ATRNL1: variants seen among roughly 807,000 people sequenced by gnomAD.
ATRNL1 encodes attractin like 1.
Under a neutral mutation model 182.7 loss-of-function variants are expected in ATRNL1, and 95 were observed. The observed-to-expected ratio is 0.52, with a 90% CI of 0.44 to 0.62. The LOEUF (loss-of-function observed/expected upper bound fraction) is 0.62. Ranked by LOEUF, ATRNL1 falls within the 20% of genes least tolerant of loss-of-function variation. The pLI, the probability that ATRNL1 is intolerant of heterozygous loss-of-function variation, is 0.00. For missense variants in ATRNL1, 1,471 were observed against 1,679.5 expected, an observed-to-expected ratio of 0.88 and a Z score of 2.17; for synonymous variants, 576 against 568.3, an observed-to-expected ratio of 1.01 and a Z score of -0.19.
chr10:115,624,910 C>T (rs1295052037), intron 26 of ATRNL1, among the ~76,000 whole-genome samples: 1 of 151,980 alleles, frequency 6.6e-6, no homozygotes, highest in Non-Finnish European at 1.5e-5. Flanking sequence ...GAATTTGTAA[C>T]CAGAACTACT....
At chr10:115,328,081 T>A (rs1855009712) in intron 18 of ATRNL1, among the ~76,000 whole-genome samples, 1 of 151,304 alleles carries the variant, frequency 6.6e-6, no homozygotes, top group Non-Finnish European at 1.5e-5. Flanking sequence ...AAACTTAAAG[T>A]ATAATAATAA....
intron 26 of ATRNL1, among the ~76,000 whole-genome samples, chr10:115,579,572 G>A (rs1181303404): frequency 6.6e-6 from 1 of 151,804 alleles, no homozygotes; most frequent in Non-Finnish European, 1.5e-5. Flanking sequence ...TGCATGAAAT[G>A]TCTTTTTCCA....
chr10:115,615,465 A>G (rs1857381838), intron 26 of ATRNL1, among the ~76,000 whole-genome samples: 3 of 151,858 alleles, frequency 2.0e-5, no homozygotes, highest in African/African-American at 4.8e-5. Context: ...TCTGGAGTGT[A>G]CAGTTTCTGT....
At chr10:115,215,607 T>C (rs1353081722) in intron 8 of ATRNL1, 90 bp from the exon 9 acceptor site, 1 of 983,820 alleles carries the variant, frequency 1.0e-6, no homozygotes, top group Admixed American at 3.2e-5. Flanking sequence ...AAATATGTCA[T>C]TAGAATTAAC....
At chr10:115,178,762 A>C (rs578235817) in intron 8 of ATRNL1, among the ~76,000 whole-genome samples, 94 of 152,256 alleles carry the variant, frequency 6.2e-4, no homozygotes, top group Admixed American at 2.3e-3. Flanking sequence ...CCTCTGGAGG[A>C]CATAGCAAAC....
At chr10:115,494,023 C>G (rs147246229) in intron 24 of ATRNL1, among the ~76,000 whole-genome samples, 4 of 152,036 alleles carry the variant, frequency 2.6e-5, no homozygotes, top group African/African-American at 9.6e-5. Flanking sequence ...ATCCTTAGAC[C>G]ATTGTTGGAT....
chr10:115,809,234 C>T (rs1490108517), intron 27 of ATRNL1, among the ~76,000 whole-genome samples: 1 of 151,958 alleles, frequency 6.6e-6, no homozygotes, highest in Non-Finnish European at 1.5e-5. Flanking sequence ...GTTATTGTGA[C>T]TATATTAGGT....
chr10:115,273,039 T>C (rs148007163), intron 13 of ATRNL1, among the ~76,000 whole-genome samples: 2 of 152,316 alleles, frequency 1.3e-5, no homozygotes, highest in Non-Finnish European at 2.9e-5. Flanking sequence ...CTTTCCCTGA[T>C]TGAAGCTGTA....
intron 26 of ATRNL1, among the ~76,000 whole-genome samples, chr10:115,584,739 T>C (rs1855396125): frequency 6.6e-6 from 1 of 152,204 alleles, no homozygotes; most frequent in South Asian, 2.1e-4. Flanking sequence ...TTTTTGTGTC[T>C]CTATTTCCTT....
chr10:115,321,259 G>C (rs894429883), intron 18 of ATRNL1, among the ~76,000 whole-genome samples: 15 of 152,258 alleles, frequency 9.9e-5, no homozygotes, highest in Middle Eastern at 3.4e-3. Flanking sequence ...GTACAGTTGG[G>C]TGCCTGCGCC....
At chr10:115,397,397 A>G (rs1592593745) in intron 20 of ATRNL1, among the ~76,000 whole-genome samples, 1 of 152,088 alleles carries the variant, frequency 6.6e-6, no homozygotes, top group East Asian at 1.9e-4. Flanking sequence ...TATATTCTTA[A>G]TAACCATCCT....
chr10:115,481,250 C>T (rs1292277449), intron 24 of ATRNL1, among the ~76,000 whole-genome samples: 1 of 150,158 alleles, frequency 6.7e-6, no homozygotes, highest in Non-Finnish European at 1.5e-5. Flanking sequence ...TTTTTCAGAT[C>T]ATATACTTCC....
chr10:115,366,680 T>C (rs1457905568), intron 19 of ATRNL1, among the ~76,000 whole-genome samples: 2,164 of 150,906 alleles, frequency 0.014, 53 homozygotes, highest in African/African-American at 0.051. Flanking sequence ...CCATGTTTAG[T>C]GCTTCCTTCA....
chr10:115,286,819 T>G (rs1852639907), intron 15 of ATRNL1, among the ~76,000 whole-genome samples: 1 of 152,030 alleles, frequency 6.6e-6, no homozygotes, highest in African/African-American at 2.4e-5. Flanking sequence ...AAAGTATGGT[T>G]GTGTCTGTAC....
At chr10:115,558,833 C>CTA (rs1853485048) in intron 26 of ATRNL1, among the ~76,000 whole-genome samples, 2 of 152,112 alleles carry the variant, frequency 1.3e-5, no homozygotes, top group Non-Finnish European at 2.9e-5. Context: ...AACAGCAAAT[C>CTA]TATAGCATTT....
chr10:115,511,045 C>A (rs937272407), intron 24 of ATRNL1, among the ~76,000 whole-genome samples: 2 of 151,944 alleles, frequency 1.3e-5, no homozygotes, highest in South Asian at 2.1e-4. Context: ...GATTTATCAT[C>A]AGAATAATAT....
chr10:115,589,740 A>G (rs532977416), intron 26 of ATRNL1, among the ~76,000 whole-genome samples: 5 of 152,304 alleles, frequency 3.3e-5, no homozygotes, highest in African/African-American at 7.2e-5. Context: ...GCTTTGATCT[A>G]AAATTATTTA....
At chr10:115,462,162 T>C (rs1276268275) in intron 22 of ATRNL1, 127 bp downstream of exon 22, 2 of 527,822 alleles carry the variant, frequency 3.8e-6, no homozygotes, top group South Asian at 8.1e-5. Context: ...ACTAATCCTA[T>C]TAATTTTTTC....
At chr10:115,131,652 T>C in intron 5 of ATRNL1, among the ~76,000 whole-genome samples, 1 of 152,276 alleles carries the variant, frequency 6.6e-6, no homozygotes, top group East Asian at 1.9e-4. Context: ...ATGAGAGACA[T>C]GTGAAAATGC....
Sources: allele counts gnomAD v4.1 joint callset (sites outside exome capture counted in the v4.1 genomes callset), GRCh38; gene constraint gnomAD v4.1.1; transcripts MANE v1.5; gene names NCBI Gene and HGNC (gene_info 2026-07-23, HGNC 2026-07-21).